FKBP5: variants seen among roughly 807,000 people sequenced by gnomAD.
The protein encoded by FKBP5 is peptidyl-prolyl cis-trans isomerase FKBP5.
A neutral mutation model predicts 50.5 loss-of-function variants in FKBP5; 23 were observed. That is an observed-to-expected ratio of 0.46 (90% CI 0.33 to 0.65). The LOEUF (loss-of-function observed/expected upper bound fraction) is 0.65, where lower values mean the gene tolerates loss of function less well. FKBP5 is among the 30% of genes least tolerant of loss of function. The pLI, the probability that FKBP5 is intolerant of heterozygous loss-of-function variation, is 0.02. For synonymous variants in FKBP5, 176 were observed against 190.6 expected, an observed-to-expected ratio of 0.92 and a Z score of 0.63; for missense variants, 411 against 553.1, an observed-to-expected ratio of 0.74 and a Z score of 2.58.
chr6:35,579,929 AGC>A, intron 9 of FKBP5, 105 bp downstream of exon 9: 1 of 839,842 alleles, frequency 1.2e-6, no homozygotes. Flanking sequence ...AATAAAAAAA[AGC>A]AAAATGAAAA....
intron 3 of FKBP5, among the ~76,000 whole-genome samples, chr6:35,622,336 C>T (rs1414558151): frequency 6.6e-5 from 10 of 152,048 alleles, no homozygotes; most frequent in Non-Finnish European, 1.5e-4. Context: ...CATAGTGAAA[C>T]TCCATCTCTA....
intron 10 of FKBP5, 91 bp from the exon 11 acceptor site, chr6:35,576,033 C>T (rs888719197): frequency 6.8e-6 from 6 of 876,912 alleles, no homozygotes; most frequent in South Asian, 1.3e-5. Flanking sequence ...GTCCCAAACA[C>T]GAGGTATTGC....
intron 6 of FKBP5, among the ~76,000 whole-genome samples, chr6:35,595,581 T>G (rs1055518535): frequency 6.6e-6 from 1 of 151,930 alleles, no homozygotes; most frequent in Non-Finnish European, 1.5e-5. Context: ...CAAAACCCTG[T>G]CTCCACAAAA....
intron 5 of FKBP5, among the ~76,000 whole-genome samples, chr6:35,615,155 T>TACACACACACACACACACAC (rs34301531): frequency 1.4e-5 from 2 of 143,444 alleles, no homozygotes; most frequent in South Asian, 2.3e-4. Context: ...CAACAACAAC[T>TACACACACACACACACACAC]ACACACACAC....
Position 35,707,215 on chromosome 6 carries a change from C to CTTTTT in FKBP5, c.-20+13108_-20+13112dup, listed in dbSNP as rs34841223. On this transcript the variant is annotated intron_variant, in intron 2 of 11. Transcript: ENST00000536438. The stretch of plus-strand genomic sequence containing the variant: ...CAGATCACTGGTAAGTATGAGAAGA[C>CTTTTT]TTTTTTTTTTTTTTTTTTGAGATGG... 5.0e-4 allele frequency among the ~76,000 whole-genome samples: 59 copies of CTTTTT among 116,878 alleles called. 1 individual carries two copies. The highest frequency in any genetic ancestry group is 7.6e-4 in the East Asian group (3 of 3,970). The allele number at this position is 116,878 out of a possible 152,430, so 76.7% of individuals were successfully genotyped here.
intron 1 of FKBP5, among the ~76,000 whole-genome samples, chr6:35,684,141 C>T (rs1765757787): frequency 1.3e-5 from 2 of 151,578 alleles, no homozygotes; most frequent in Admixed American, 1.3e-4. Context: ...CATTATTTCA[C>T]TTTGAAAATA....
chr6:35,586,684 A>G, intron 8 of FKBP5: 4 of 1,079,796 alleles, frequency 3.7e-6, no homozygotes, highest in Non-Finnish European at 4.5e-6. Context: ...CAATTATTCT[A>G]TTCATTCTTT....
intron 8 of FKBP5, 106 bp from the exon 9 acceptor site, chr6:35,580,327 G>T: frequency 1.1e-6 from 1 of 879,564 alleles, no homozygotes; most frequent in Non-Finnish European, 1.8e-6. Context: ...TGGTACAGCT[G>T]GTTTCTTTCT....
At chr6:35,584,631 G>A in intron 8 of FKBP5, 11 of 985,424 alleles carry the variant, frequency 1.1e-5, no homozygotes, top group Non-Finnish European at 1.3e-5. Context: ...CTACTGCTGG[G>A]ATCTTTTACC....
chr6:35,640,823 C>T (rs1581843358), intron 2 of FKBP5, among the ~76,000 whole-genome samples: 2 of 152,064 alleles, frequency 1.3e-5, no homozygotes, highest in Admixed American at 1.3e-4. Context: ...CCTAGGCCTA[C>T]AGAGGGTCAG....
intron 5 of FKBP5, among the ~76,000 whole-genome samples, chr6:35,610,629 C>T (rs1218207139): frequency 6.7e-6 from 1 of 149,004 alleles, no homozygotes; most frequent in African/African-American, 2.5e-5. Context: ...AGTCGAAGTC[C>T]TAACACTTGG....
At chr6:35,611,418 G>C (rs1308995055) in intron 5 of FKBP5, among the ~76,000 whole-genome samples, 8 of 152,106 alleles carry the variant, frequency 5.3e-5, no homozygotes. Flanking sequence ...AGTACTGAGA[G>C]GCGAGAGAAC....
At chr6:35,678,284 T>C (rs758443662) in intron 1 of FKBP5, among the ~76,000 whole-genome samples, 3 of 152,098 alleles carry the variant, frequency 2.0e-5, no homozygotes, top group Non-Finnish European at 4.4e-5. Context: ...GCTACAGAGA[T>C]GGTATTTAAA....
At position 35,678,443 on chromosome 6, in the gene FKBP5, A is replaced by C. The variant is rs191169541; in HGVS notation, c.-20+10361T>G. 5.9e-5 allele frequency among the ~76,000 whole-genome samples: 9 copies of C among 152,344 alleles called. No individual in the cohort carries two copies. The East Asian group carries it at 1.5e-3, about 26-fold the overall frequency. Reference sequence around the variant, plus strand: ...AAGGCAAAAGAAGAACATTTAGACAATTCCAGTATCTTAGGAATTGCATTC... The same window carrying C: ...AAGGCAAAAGAAGAACATTTAGACACTTCCAGTATCTTAGGAATTGCATTC... On this transcript the variant is annotated intron_variant, in intron 1 of 10. Transcript: ENST00000357266.
At chr6:35,668,252 T>A (rs562777065) in intron 1 of FKBP5, among the ~76,000 whole-genome samples, 2 of 152,306 alleles carry the variant, frequency 1.3e-5, no homozygotes, top group East Asian at 3.9e-4. Flanking sequence ...CAGAGCCCAC[T>A]CCCCTTTATG....
At chr6:35,638,371 T>C (rs1764376531) in intron 2 of FKBP5, among the ~76,000 whole-genome samples, 1 of 152,222 alleles carries the variant, frequency 6.6e-6, no homozygotes, top group Non-Finnish European at 1.5e-5. Context: ...ACATAAACAC[T>C]GTGAACTTAA....
At chr6:35,664,567 A>G (rs765292006) in intron 1 of FKBP5, 1 of 154,118 alleles carries the variant, frequency 6.5e-6, no homozygotes, top group Non-Finnish European at 1.5e-5. Flanking sequence ...ATTTGTCTTT[A>G]TTCTTTCCCC....
intron 8 of FKBP5, chr6:35,584,726 G>A (rs2150955040): frequency 1.0e-6 from 1 of 985,436 alleles, no homozygotes; most frequent in South Asian, 4.7e-5. Context: ...CAGGTCAGTG[G>A]TTTTGAACCT....
intron 5 of FKBP5, among the ~76,000 whole-genome samples, chr6:35,600,683 T>C (rs1444708254): frequency 6.6e-6 from 1 of 152,208 alleles, no homozygotes; most frequent in East Asian, 1.9e-4. Flanking sequence ...GGAAGTATCA[T>C]CTTCCTCCCT....
Sources: gnomAD v4.1 joint callset for allele counts (sites outside exome capture counted in the v4.1 genomes callset) on GRCh38, gnomAD v4.1.1 for gene constraint, MANE v1.5 for transcripts, NCBI Gene and HGNC (gene_info 2026-07-23, HGNC 2026-07-21) for gene names.